The following SYT1 variants were observed in gnomAD, a reference collection of about 807,000 sequenced individuals.
SYT1 encodes the protein synaptotagmin-1.
Under a neutral mutation model 44.8 loss-of-function variants are expected in SYT1, and 8 were observed. The ratio of observed to expected loss-of-function variants is 0.18; its 90% CI spans 0.10 to 0.32. The LOEUF (loss-of-function observed/expected upper bound fraction) is 0.32. Among genes scored for constraint, SYT1 ranks in the 10% least tolerant of loss-of-function variants. The pLI is 1.00. For synonymous variants in SYT1, 154 were observed against 188.8 expected (o/e 0.82, Z 1.51); for missense variants, 286 against 509.3 (o/e 0.56, Z 4.22).
chr12:78,900,282 A>G (rs1875590121), intron 1 of SYT1, among the ~76,000 whole-genome samples: 1 of 152,114 alleles, frequency 6.6e-6, no homozygotes, highest in Non-Finnish European at 1.5e-5. Context: ...TATTACTAAT[A>G]CTAAATTTGT....
chr12:79,140,128 G>T (rs2138211242), intron 3 of SYT1, among the ~76,000 whole-genome samples: 1 of 152,324 alleles, frequency 6.6e-6, no homozygotes, highest in East Asian at 1.9e-4. Context: ...CCATGCTAAT[G>T]TTGAAAATAT....
At position 78,962,472 on chromosome 12, in the gene SYT1, A is replaced by C. The variant is rs527447334; in HGVS notation, c.-216-15327A>C. Among the ~76,000 whole-genome samples, 21 of 151,992 alleles carry C rather than the reference A, an allele frequency of 1.4e-4. No individual in the cohort carries two copies. The South Asian group carries it at 4.4e-3, about 31-fold the overall frequency. On this transcript the variant is annotated intron_variant, in intron 1 of 10. Transcript: ENST00000261205. The stretch of plus-strand genomic sequence containing the variant: ...TATTGGACATCAGTACTAGAAAACT[A>C]TCTCAATGTTTATGACCTAATTACA...
chr12:79,352,097 C>G (rs1882929393), intron 8 of SYT1, among the ~76,000 whole-genome samples: 1 of 151,312 alleles, frequency 6.6e-6, no homozygotes, highest in South Asian at 2.1e-4. Context: ...GAAAGAGGCA[C>G]TATTTCTCCC....
chr12:79,385,741 G>A (rs976795159), intron 9 of SYT1, among the ~76,000 whole-genome samples: 5 of 151,952 alleles, frequency 3.3e-5, no homozygotes, highest in Non-Finnish European at 5.9e-5. Flanking sequence ...TGTTGTTGTT[G>A]TTGTTGTTTT....
chr12:79,257,515 C>T (rs1877588394), intron 4 of SYT1, among the ~76,000 whole-genome samples: 1 of 152,184 alleles, frequency 6.6e-6, no homozygotes. Context: ...GAGTCTCGCT[C>T]TGTCGCCCAG....
rs954594925 is a variant in SYT1, at chr12:78,877,879, T to G, written c.-217+12770T>G. On this transcript the variant is annotated intron_variant, in intron 1 of 10. Transcript: ENST00000261205. ...CCTGGGTTGAAGAGATCTCCCTGAT[T>G]CAGCTTCTCAAGGTACTAGGATTAC... Among the ~76,000 whole-genome samples the G allele has an allele frequency of 5.3e-5, 8 of 151,770 alleles. No individual in the cohort carries two copies. The South Asian group carries it at 1.0e-3, about 20-fold the overall frequency.
At chr12:78,923,350 A>G (rs1256893041) in intron 1 of SYT1, among the ~76,000 whole-genome samples, 2 of 152,026 alleles carry the variant, frequency 1.3e-5, no homozygotes, top group East Asian at 3.9e-4. Context: ...TGTTTTCTTT[A>G]TTGGCATGTG....
intron 8 of SYT1, among the ~76,000 whole-genome samples, chr12:79,336,208 A>G (rs908240318): frequency 1.2e-4 from 19 of 152,288 alleles, no homozygotes; most frequent in East Asian, 3.9e-4. Context: ...GTTCTTCCCA[A>G]TTGAACTGAT....
At chr12:79,307,621 T>TGGG (rs1426404496) in intron 8 of SYT1, among the ~76,000 whole-genome samples, 1 of 5,356 alleles carries the variant, frequency 1.9e-4, no homozygotes, top group Non-Finnish European at 4.0e-4. Flanking sequence ...GGGCTGGGGG[T>TGGG]GGGGGTGGGG....
chr12:79,302,194 G>C (rs1451218153), intron 8 of SYT1, among the ~76,000 whole-genome samples: 2 of 152,130 alleles, frequency 1.3e-5, no homozygotes, highest in African/African-American at 2.4e-5. Context: ...TCATCTAGCA[G>C]TGTTAAGCAT....
chr12:79,216,307 G>A (rs972018497), intron 3 of SYT1, among the ~76,000 whole-genome samples: 8 of 152,078 alleles, frequency 5.3e-5, no homozygotes, highest in South Asian at 2.1e-4. Context: ...TTATAAGTTC[G>A]TCTACTTTCC....
intron 9 of SYT1, among the ~76,000 whole-genome samples, chr12:79,401,361 T>A (rs1442997796): frequency 6.6e-6 from 1 of 151,896 alleles, no homozygotes; most frequent in Non-Finnish European, 1.5e-5. Context: ...GCCACTGCAC[T>A]CCAGCTGGGG....
chr12:79,370,243 TAC>T (rs1184327505), intron 9 of SYT1, among the ~76,000 whole-genome samples: 1 of 152,158 alleles, frequency 6.6e-6, no homozygotes, highest in African/African-American at 2.4e-5. Flanking sequence ...AGAGGGCAGA[TAC>T]AGTCTCAGTT....
At chr12:79,331,241 A>G (rs1764874975) in intron 8 of SYT1, among the ~76,000 whole-genome samples, 1 of 152,108 alleles carries the variant, frequency 6.6e-6, no homozygotes, top group South Asian at 2.1e-4. Flanking sequence ...CACCTTTTGT[A>G]ATTTTACACA....
intron 3 of SYT1, among the ~76,000 whole-genome samples, chr12:79,060,330 C>G (rs1002735644): frequency 1.3e-5 from 2 of 151,798 alleles, no homozygotes; most frequent in African/African-American, 4.8e-5. Context: ...TATATAACAT[C>G]AAATTTACCA....
chr12:78,880,336 A>G (rs1200560450), intron 1 of SYT1, among the ~76,000 whole-genome samples: 2 of 151,608 alleles, frequency 1.3e-5, no homozygotes, highest in Non-Finnish European at 3.0e-5. Flanking sequence ...TGTTTACTCA[A>G]TTTTTGTGTG....
intron 4 of SYT1, among the ~76,000 whole-genome samples, chr12:79,277,984 A>G (rs942529222): frequency 3.9e-5 from 6 of 152,164 alleles, no homozygotes; most frequent in African/African-American, 1.4e-4. Context: ...ATATATACAC[A>G]TCTAACATCA....
chr12:79,164,342 A>G (rs893359905), intron 3 of SYT1, among the ~76,000 whole-genome samples: 1 of 152,092 alleles, frequency 6.6e-6, no homozygotes, highest in Non-Finnish European at 1.5e-5. Flanking sequence ...ATTCATCTAA[A>G]CTAGATTGCC....
intron 3 of SYT1, among the ~76,000 whole-genome samples, chr12:79,198,088 T>G (rs1411795455): frequency 6.6e-6 from 1 of 152,154 alleles, no homozygotes; most frequent in Non-Finnish European, 1.5e-5. Context: ...ATAAAAATCT[T>G]GTAGAAATTT....
Sources: allele counts gnomAD v4.1 joint callset (sites outside exome capture counted in the v4.1 genomes callset), GRCh38; gene constraint gnomAD v4.1.1; transcripts MANE v1.5; gene names NCBI Gene and HGNC (gene_info 2026-07-23, HGNC 2026-07-21).